The following OSBPL9 variants were observed in gnomAD, a reference collection of about 807,000 sequenced individuals.
OSBPL9 encodes oxysterol binding protein like 9, also known as oxysterol-binding protein-related protein 9.
A neutral mutation model predicts 106.6 loss-of-function variants in OSBPL9; 40 were observed. That is an observed-to-expected ratio of 0.38 (90% CI 0.29 to 0.49). The LOEUF is 0.49. Among genes scored for constraint, OSBPL9 ranks in the 20% least tolerant of loss-of-function variants. The probability of loss-of-function intolerance (pLI) is 0.97; values close to 1 mark genes in which losing one functional copy is unlikely to be tolerated. For missense variants in OSBPL9, 609 were observed against 887.2 expected (o/e 0.69, Z 3.98); for synonymous variants, 269 against 295.4 (o/e 0.91, Z 0.92).
At chr1:51,566,896 C>G in the OSBPL9 span, among the ~76,000 whole-genome samples, 1,515 of 152,312 alleles carry the variant, frequency 9.9e-3, 14 homozygotes, top group Middle Eastern at 0.085. Flanking sequence ...AGAGGAGGAT[C>G]TCAGAGAGCT....
At chr1:51,781,645 A>C (rs1215955236) in intron 16 of OSBPL9, 4 of 243,914 alleles carry the variant, frequency 1.6e-5, no homozygotes, top group Non-Finnish European at 3.3e-5. Flanking sequence ...ATAAATTGAG[A>C]AGGGGCAAAT....
chr1:51,555,473 A>C, the OSBPL9 span, among the ~76,000 whole-genome samples: 4 of 152,036 alleles, frequency 2.6e-5, no homozygotes, highest in Non-Finnish European at 5.9e-5. Context: ...CTGGGCAACA[A>C]AAAAGGTTCT....
chr1:51,749,300 C>T (rs1277113124), intron 7 of OSBPL9, among the ~76,000 whole-genome samples: 1 of 151,976 alleles, frequency 6.6e-6, no homozygotes, highest in East Asian at 1.9e-4. Flanking sequence ...ATTCTCCATA[C>T]TTCCATCAAA....
rs748634262 is a variant in OSBPL9, at chr1:51,772,673, G to A, written c.1120G>A (p.Val374Ile). Reference protein sequence around the residue: ...EAGSVEEHKSVIMHLLSQVRL... With the variant: ...EAGSVEEHKSIIMHLLSQVRL... Reference sequence around the variant, plus strand: ...AGGGTCTGTGGAGGAGCACAAGAGCGTTATCATGCATCTCTTGTCGCAGGT... The same window carrying A: ...AGGGTCTGTGGAGGAGCACAAGAGCATTATCATGCATCTCTTGTCGCAGGT... Residue 374 changes from valine to isoleucine, a missense_variant, in exon 14 of 24, where the codon GTT becomes ATT. Around this residue, in one of 5 missense-constraint regions of OSBPL9, gnomAD observed 356 missense variants for 505.8 expected, o/e 0.70. Coordinates refer to ENST00000428468, the MANE Select transcript of OSBPL9 (RefSeq NM_024586.6). 4.6e-5 allele frequency: 74 copies of A among 1,614,060 alleles called. No individual in the cohort carries two copies. Among genetic ancestry groups the A allele is most frequent in the East Asian group, 8.9e-5 (4 of 44,898 alleles).
At chr1:51,763,088 C>T (rs1201290883) in intron 11 of OSBPL9, among the ~76,000 whole-genome samples, 2 of 152,202 alleles carry the variant, frequency 1.3e-5, no homozygotes, top group Non-Finnish European at 2.9e-5. Flanking sequence ...TCACTGCACC[C>T]TCCACTTCCT....
intron 3 of OSBPL9, among the ~76,000 whole-genome samples, 198 bp from the exon 4 acceptor site, chr1:51,713,805 A>C (rs189340462): frequency 2.2e-4 from 33 of 152,294 alleles, no homozygotes; most frequent in African/African-American, 7.7e-4. Flanking sequence ...GAACACAATT[A>C]TTCCCTTTCT....
intron 4 of OSBPL9, among the ~76,000 whole-genome samples, chr1:51,731,309 G>A (rs1053241891): frequency 7.9e-5 from 12 of 152,098 alleles, no homozygotes; most frequent in African/African-American, 2.2e-4. Flanking sequence ...TGAGCTGAGC[G>A]TGGTGGTGAT....
intron 3 of OSBPL9, among the ~76,000 whole-genome samples, chr1:51,697,611 A>G (rs1452568068): frequency 6.6e-6 from 1 of 151,646 alleles, no homozygotes; most frequent in Non-Finnish European, 1.5e-5. Flanking sequence ...CAGGAATGGT[A>G]AGGTATAGGA....
At chr1:51,601,245 C>A (rs1645324214) in intron 2 of OSBPL9, among the ~76,000 whole-genome samples, 1 of 152,106 alleles carries the variant, frequency 6.6e-6, no homozygotes, top group South Asian at 2.1e-4. Context: ...TGCACTAAGG[C>A]CCATGTTTGG....
intron 2 of OSBPL9, among the ~76,000 whole-genome samples, chr1:51,652,796 C>T (rs1646598667): frequency 6.6e-6 from 1 of 152,106 alleles, no homozygotes; most frequent in Admixed American, 6.6e-5. Flanking sequence ...CACCATTGTT[C>T]AAATAGGTAA....
the OSBPL9 span, among the ~76,000 whole-genome samples, chr1:51,556,495 A>G: frequency 6.6e-6 from 1 of 152,090 alleles, no homozygotes; most frequent in African/African-American, 2.4e-5. Flanking sequence ...AGCTGGGGGT[A>G]GGGTGCTATG....
At chr1:51,615,906 C>T (rs192141227), upstream of OSBPL9, among the ~76,000 whole-genome samples, 2 of 151,778 alleles carry the variant, frequency 1.3e-5, no homozygotes, top group East Asian at 3.9e-4. Flanking sequence ...TGTTTGCTTT[C>T]ACCACAGAAT....
At chr1:51,776,668 T>C (rs1417157407) in intron 14 of OSBPL9, among the ~76,000 whole-genome samples, 165 bp from the exon 15 acceptor site, 1 of 152,168 alleles carries the variant, frequency 6.6e-6, no homozygotes, top group African/African-American at 2.4e-5. Flanking sequence ...TTTCTGAATC[T>C]GACAGGTTGA....
At chr1:51,786,681 C>A in intron 22 of OSBPL9, 64 bp downstream of exon 22, 5 of 1,351,902 alleles carry the variant, frequency 3.7e-6, no homozygotes, top group African/African-American at 2.9e-5. Flanking sequence ...GGCGTAGGCA[C>A]AGGGCTGGGT....
At chr1:51,597,046 T>G (rs1366754022) in intron 1 of OSBPL9, among the ~76,000 whole-genome samples, 1 of 152,114 alleles carries the variant, frequency 6.6e-6, no homozygotes, top group East Asian at 1.9e-4. Flanking sequence ...TTGCCATGTA[T>G]TCATCTGGGG....
chr1:51,600,817 A>G (rs1645322486), intron 2 of OSBPL9, among the ~76,000 whole-genome samples: 1 of 152,236 alleles, frequency 6.6e-6, no homozygotes, highest in Non-Finnish European at 1.5e-5. Context: ...AGAACTCAAT[A>G]AGATGAATGT....
the OSBPL9 span, among the ~76,000 whole-genome samples, chr1:51,570,960 T>C: frequency 1.3e-5 from 2 of 152,012 alleles, no homozygotes; most frequent in Non-Finnish European, 2.9e-5. Context: ...TGGCTGGGAT[T>C]ATAGGTTCCC....
intron 2 of OSBPL9, among the ~76,000 whole-genome samples, chr1:51,662,353 C>T (rs995370130): frequency 6.6e-6 from 1 of 151,916 alleles, no homozygotes; most frequent in Non-Finnish European, 1.5e-5. Context: ...AAGAGAGAGA[C>T]AGAAATTGAA....
chr1:51,553,288 ATTGCTTGAACCCAGGAG>A, the OSBPL9 span, among the ~76,000 whole-genome samples: 1 of 152,090 alleles, frequency 6.6e-6, no homozygotes, highest in Non-Finnish European at 1.5e-5. Context: ...AGGCAGGTGG[ATTGCTTGAACCCAGGAG>A]TTACAGACCA....
Sources: allele counts gnomAD v4.1 joint callset (sites outside exome capture counted in the v4.1 genomes callset), GRCh38; gene constraint gnomAD v4.1.1; regional missense constraint gnomAD v4.1.1; transcripts MANE v1.5; gene names NCBI Gene and HGNC (gene_info 2026-07-23, HGNC 2026-07-21).